NELL1: variants seen among roughly 807,000 people sequenced by gnomAD.
The protein encoded by NELL1 is neural EGFL like 1, also known as protein kinase C-binding protein NELL1.
In NELL1, 76 loss-of-function variants were observed where a neutral mutation model predicts 107.4. The ratio of observed to expected loss-of-function variants is 0.71; its 90% CI spans 0.59 to 0.86. The LOEUF is 0.86. NELL1 is among the 40% of genes least tolerant of loss of function. NELL1 has a pLI of 0.00. For missense variants in NELL1, 1,024 were observed against 1,005.5 expected (o/e 1.02, Z -0.25); for synonymous variants, 353 against 341.2 (o/e 1.03, Z -0.38).
intron 11 of NELL1, 64 bp from the exon 12 acceptor site, chr11:20,960,359 GTTACATACT>G: frequency 1.4e-6 from 2 of 1,465,464 alleles, no homozygotes; most frequent in Non-Finnish European, 1.9e-6. Flanking sequence ...AATAAAAAAT[GTTACATACT>G]TTATTTTGGG....
chr11:20,944,097 A>G (rs1850914001), intron 10 of NELL1, among the ~76,000 whole-genome samples: 1 of 152,156 alleles, frequency 6.6e-6, no homozygotes. Context: ...AATAAATTAA[A>G]CTTCCTCTTA....
chr11:20,720,588 T>C (rs1855357719), intron 2 of NELL1, among the ~76,000 whole-genome samples: 1 of 152,040 alleles, frequency 6.6e-6, no homozygotes, highest in Non-Finnish European at 1.5e-5. Context: ...GAAAACAGAA[T>C]TTTTTCTTTC....
chr11:21,041,221 C>G (rs943002561), intron 12 of NELL1, among the ~76,000 whole-genome samples: 2 of 152,152 alleles, frequency 1.3e-5, no homozygotes, highest in African/African-American at 4.8e-5. Context: ...TGACTCTCAG[C>G]AAGTCTCTCC....
chr11:20,725,162 C>T (rs1855480540), intron 2 of NELL1, among the ~76,000 whole-genome samples: 1 of 152,168 alleles, frequency 6.6e-6, no homozygotes, highest in Non-Finnish European at 1.5e-5. Flanking sequence ...TTTTTAAAGA[C>T]ACCATATGTA....
At chr11:20,978,695 A>G (rs1345880291) in intron 12 of NELL1, among the ~76,000 whole-genome samples, 1 of 152,186 alleles carries the variant, frequency 6.6e-6, no homozygotes, top group East Asian at 1.9e-4. Flanking sequence ...ATTTAGCAGA[A>G]TACTTAACCT....
intron 15 of NELL1, among the ~76,000 whole-genome samples, chr11:21,521,599 A>G (rs1157409243): frequency 6.6e-6 from 1 of 151,948 alleles, no homozygotes; most frequent in African/African-American, 2.4e-5. Context: ...TGGTTCTTTT[A>G]TTATCATTTC....
At chr11:21,494,650 T>G (rs1013174536) in intron 15 of NELL1, among the ~76,000 whole-genome samples, 2 of 152,006 alleles carry the variant, frequency 1.3e-5, no homozygotes, top group African/African-American at 4.8e-5. Context: ...GATATTCATA[T>G]ATATATGAAC....
intron 12 of NELL1, among the ~76,000 whole-genome samples, chr11:21,096,113 A>G (rs1017236131): frequency 6.6e-6 from 1 of 152,162 alleles, no homozygotes; most frequent in African/African-American, 2.4e-5. Context: ...GGACATAGCC[A>G]AGCCATATCA....
chr11:21,192,008 G>A lies in NELL1; in HGVS notation c.1427-37324G>A, dbSNP rs11822783. ...AGCTGATTGTAGAAAAATAGTGTTG[G>A]GGTAATAGATAATATTAATTCCAAT... On this transcript the variant is annotated intron_variant, in intron 13 of 19. Coordinates refer to ENST00000357134, the MANE Select transcript of NELL1 (RefSeq NM_006157.5). Among the ~76,000 whole-genome samples the A allele has an allele frequency of 6.0e-3, 915 of 151,432 alleles. 35 individuals are homozygous for A. The highest frequency in any genetic ancestry group is 0.02 in the African/African-American group (825 of 41,124).
chr11:20,693,848 G>C (rs1269310026), intron 2 of NELL1, among the ~76,000 whole-genome samples: 3 of 152,120 alleles, frequency 2.0e-5, no homozygotes, highest in Non-Finnish European at 4.4e-5. Flanking sequence ...GCTAGATTGG[G>C]GAAGTTCTCT....
intron 15 of NELL1, among the ~76,000 whole-genome samples, chr11:21,462,490 C>T (rs1176345640): frequency 1.3e-5 from 2 of 152,018 alleles, no homozygotes; most frequent in African/African-American, 4.8e-5. Context: ...TAAGAAGTCT[C>T]CCCTATTGGG....
At chr11:21,388,872 A>C (rs901504156) in intron 15 of NELL1, among the ~76,000 whole-genome samples, 13 of 151,996 alleles carry the variant, frequency 8.6e-5, no homozygotes, top group African/African-American at 2.9e-4. Flanking sequence ...ACAGTTTGGA[A>C]ATTTCTGAAT....
At chr11:21,376,461 G>A (rs1409057832) in intron 15 of NELL1, among the ~76,000 whole-genome samples, 1 of 152,042 alleles carries the variant, frequency 6.6e-6, no homozygotes, top group African/African-American at 2.4e-5. Context: ...ATATAATATA[G>A]TTTGTTGTCA....
intron 2 of NELL1, among the ~76,000 whole-genome samples, chr11:20,685,358 C>A (rs1480494342): frequency 6.6e-6 from 1 of 152,102 alleles, no homozygotes; most frequent in Non-Finnish European, 1.5e-5. Flanking sequence ...TTCATTTCCT[C>A]AGCCACACTA....
chr11:21,536,608 T>A (rs965720322), intron 16 of NELL1, among the ~76,000 whole-genome samples: 3 of 152,194 alleles, frequency 2.0e-5, no homozygotes, highest in African/African-American at 4.8e-5. Context: ...GACTAGACTA[T>A]TGAGCAGCGA....
At chr11:21,527,974 G>A (rs72959339) in intron 15 of NELL1, among the ~76,000 whole-genome samples, 18,258 of 152,062 alleles carry the variant, frequency 0.12, 1,408 homozygotes, top group Middle Eastern at 0.24. Flanking sequence ...ATCTCCTTTG[G>A]CAACACCCTC....
intron 16 of NELL1, among the ~76,000 whole-genome samples, chr11:21,540,679 CT>C (rs1856270611): frequency 6.6e-6 from 1 of 151,986 alleles, no homozygotes. Context: ...GTACTATGTA[CT>C]TTTCAACAAC....
intron 13 of NELL1, among the ~76,000 whole-genome samples, chr11:21,141,736 T>TA: frequency 6.6e-6 from 1 of 150,684 alleles, no homozygotes; most frequent in South Asian, 2.2e-4. Context: ...TCCTCTATCC[T>TA]TTTTATTTAT....
intron 13 of NELL1, among the ~76,000 whole-genome samples, chr11:21,120,288 G>A (rs1488540130): frequency 1.3e-5 from 2 of 152,028 alleles, no homozygotes; most frequent in Non-Finnish European, 2.9e-5. Flanking sequence ...TCTGGAATAT[G>A]CTTTACTCCC....
Sources: allele counts gnomAD v4.1 joint callset (sites outside exome capture counted in the v4.1 genomes callset), GRCh38; gene constraint gnomAD v4.1.1; transcripts MANE v1.5; gene names NCBI Gene and HGNC (gene_info 2026-07-23, HGNC 2026-07-21).